SLIT3: variants seen among roughly 807,000 people sequenced by gnomAD.
The protein encoded by SLIT3 is slit homolog 3 protein.
In SLIT3, 68 loss-of-function variants were observed where a neutral mutation model predicts 184.0. That is an observed-to-expected ratio of 0.37 (90% CI 0.30 to 0.45). The LOEUF (loss-of-function observed/expected upper bound fraction) is 0.45, where lower values mean the gene tolerates loss of function less well. SLIT3 is among the 20% of genes least tolerant of loss of function. The pLI, the probability that SLIT3 is intolerant of heterozygous loss-of-function variation, is 1.00. For missense variants in SLIT3, 1,707 were observed against 2,026.0 expected (o/e 0.84, Z 3.02); for synonymous variants, 831 against 828.6 (o/e 1.00, Z -0.05).
At chr5:168,767,216 A>G (rs749419539) in intron 14 of SLIT3, among the ~76,000 whole-genome samples, 1 of 152,200 alleles carries the variant, frequency 6.6e-6, no homozygotes, top group Non-Finnish European at 1.5e-5. Flanking sequence ...GTAACCTCAG[A>G]TAGACGAGGT....
intron 6 of SLIT3, among the ~76,000 whole-genome samples, chr5:168,841,188 T>C (rs1356675056): frequency 1.3e-5 from 2 of 152,222 alleles, no homozygotes; most frequent in Admixed American, 6.5e-5. Context: ...CTTGGTAGAA[T>C]GGTTAATCAC....
chr5:168,936,821 T>C (rs1581226736), intron 4 of SLIT3, among the ~76,000 whole-genome samples: 2 of 152,198 alleles, frequency 1.3e-5, no homozygotes, highest in South Asian at 4.2e-4. Flanking sequence ...TATATACTTA[T>C]TGAGCACCTA....
intron 20 of SLIT3, among the ~76,000 whole-genome samples, chr5:168,745,340 T>C (rs772944001): frequency 6.6e-6 from 1 of 152,164 alleles, no homozygotes; most frequent in Non-Finnish European, 1.5e-5. Context: ...GTTGTTGAAA[T>C]GACAACAAAG....
intron 4 of SLIT3, among the ~76,000 whole-genome samples, chr5:169,068,702 G>A (rs1758438985): frequency 6.6e-6 from 1 of 152,102 alleles, no homozygotes; most frequent in African/African-American, 2.4e-5. Flanking sequence ...TTTCAGGATG[G>A]CTTCTTGTGA....
chr5:168,897,646 G>GCGCGCACACACACACACACACACA, intron 4 of SLIT3, among the ~76,000 whole-genome samples: 39 of 105,444 alleles, frequency 3.7e-4, no homozygotes, highest in African/African-American at 1.5e-3. Context: ...ACAGGTGCAC[G>GCGCGCACACACACACACACACACA]TACACACACA....
intron 11 of SLIT3, among the ~76,000 whole-genome samples, chr5:168,789,310 C>T (rs1011289175): frequency 6.6e-6 from 1 of 151,870 alleles, no homozygotes; most frequent in African/African-American, 2.4e-5. Context: ...AAGATGCATT[C>T]GAATTAGAAG....
intron 8 of SLIT3, among the ~76,000 whole-genome samples, chr5:168,816,289 C>T (rs1044952053): frequency 3.9e-5 from 6 of 152,098 alleles, no homozygotes; most frequent in East Asian, 1.9e-4. Flanking sequence ...CAGGTTCAAG[C>T]GATTCTCCTG....
intron 3 of SLIT3, among the ~76,000 whole-genome samples, chr5:169,202,861 G>T (rs970019618): frequency 2.6e-5 from 4 of 151,510 alleles, no homozygotes; most frequent in African/African-American, 9.7e-5. Flanking sequence ...CCTCACATTG[G>T]ATTACTTTTT....
chr5:168,924,613 A>C (rs1241264710), intron 4 of SLIT3, among the ~76,000 whole-genome samples: 1 of 152,038 alleles, frequency 6.6e-6, no homozygotes, highest in Non-Finnish European at 1.5e-5. Context: ...AGGCTCAAGC[A>C]ATCCTCCCAC....
chr5:169,005,778 G>A (rs1039764520), intron 4 of SLIT3, among the ~76,000 whole-genome samples: 3 of 152,200 alleles, frequency 2.0e-5, no homozygotes, highest in Non-Finnish European at 4.4e-5. Context: ...TTGCCTTGCT[G>A]GTGAGTACTT....
chr5:169,241,284 A>ATAAATAT (rs1765396500), intron 3 of SLIT3, among the ~76,000 whole-genome samples: 1 of 152,190 alleles, frequency 6.6e-6, no homozygotes, highest in African/African-American at 2.4e-5. Context: ...ATGTTTTATC[A>ATAAATAT]CATCATATTT....
chr5:168,701,887 T>C (rs564868868), intron 26 of SLIT3, among the ~76,000 whole-genome samples: 2 of 152,350 alleles, frequency 1.3e-5, no homozygotes, highest in South Asian at 4.1e-4. Context: ...GGTGATGTGA[T>C]GGAATGGAAC....
intron 4 of SLIT3, among the ~76,000 whole-genome samples, chr5:169,170,035 G>T (rs1466469398): frequency 6.6e-6 from 1 of 152,190 alleles, no homozygotes; most frequent in Non-Finnish European, 1.5e-5. Context: ...AGGCTTCCTG[G>T]AGGGAAGCCA....
chr5:169,025,823 A>T (rs1478191499), intron 4 of SLIT3, among the ~76,000 whole-genome samples: 1 of 152,242 alleles, frequency 6.6e-6, no homozygotes, highest in Non-Finnish European at 1.5e-5. Context: ...TGGCTGATGG[A>T]AAATAATAAA....
chr5:168,777,794 G>A (rs1755814844), intron 12 of SLIT3, among the ~76,000 whole-genome samples: 1 of 152,186 alleles, frequency 6.6e-6, no homozygotes, highest in Non-Finnish European at 1.5e-5. Flanking sequence ...CAGCCTCACT[G>A]GTCCCCAGCA....
At chr5:168,805,810 C>T (rs1366227010) in intron 9 of SLIT3, among the ~76,000 whole-genome samples, 1 of 152,130 alleles carries the variant, frequency 6.6e-6, no homozygotes, top group Non-Finnish European at 1.5e-5. Flanking sequence ...TGTTTACGTC[C>T]CACCACTTCC....
At chr5:168,875,656 AG>A (rs1420854240) in intron 5 of SLIT3, among the ~76,000 whole-genome samples, 2 of 151,842 alleles carry the variant, frequency 1.3e-5, no homozygotes, top group African/African-American at 4.8e-5. Context: ...AAGAAGAAGA[AG>A]AAAGAGAAGG....
chr5:168,830,345 G>A (rs13170900), intron 6 of SLIT3, among the ~76,000 whole-genome samples: 51,549 of 151,918 alleles, frequency 0.34, 9,556 homozygotes, highest in South Asian at 0.46. Flanking sequence ...GGTTGAACTT[G>A]CCCTTCTCAT....
intron 4 of SLIT3, among the ~76,000 whole-genome samples, chr5:169,156,995 A>G (rs1252239639): frequency 1.3e-5 from 2 of 152,114 alleles, no homozygotes; most frequent in African/African-American, 4.8e-5. Flanking sequence ...GAAGACAATA[A>G]TCACTTGACT....
Sources: gnomAD v4.1 joint callset for allele counts (sites outside exome capture counted in the v4.1 genomes callset) on GRCh38, gnomAD v4.1.1 for gene constraint, MANE v1.5 for transcripts, NCBI Gene and HGNC (gene_info 2026-07-23, HGNC 2026-07-21) for gene names.